Variants in PTPRD observed in about 807,000 individuals in gnomAD.
PTPRD encodes receptor-type tyrosine-protein phosphatase delta.
PTPRD carries 34 observed loss-of-function variants against 214.5 expected under a neutral mutation model. The ratio of observed to expected loss-of-function variants is 0.16; its 90% CI spans 0.12 to 0.21. PTPRD has a LOEUF of 0.21. Ranked by LOEUF, PTPRD falls within the 10% of genes least tolerant of loss-of-function variation. The pLI is 1.00. For synonymous variants in PTPRD, 1,128 were observed against 845.7 expected (o/e 1.33, Z -5.79); for missense variants, 2,545 against 2,398.7 (o/e 1.06, Z -1.27).
intron 2 of PTPRD, among the ~76,000 whole-genome samples, chr9:10,554,792 C>G (rs956776221): frequency 6.6e-6 from 1 of 152,254 alleles, no homozygotes; most frequent in African/African-American, 2.4e-5. Flanking sequence ...TCCCGAGTAG[C>G]TGGGACTACA....
At chr9:9,397,195 G>C (rs2068214956) in intron 9 of PTPRD, among the ~76,000 whole-genome samples, 2 of 151,940 alleles carry the variant, frequency 1.3e-5, no homozygotes, top group Non-Finnish European at 2.9e-5. Context: ...CTAGTTGATT[G>C]AGAGATTGTT....
At chr9:9,795,805 C>T (rs2098998612) in intron 5 of PTPRD, among the ~76,000 whole-genome samples, 1 of 152,082 alleles carries the variant, frequency 6.6e-6, no homozygotes. Context: ...TCTGACACAT[C>T]TTCTTCTGAC....
chr9:9,863,810 C>A (rs2063321422), intron 5 of PTPRD, among the ~76,000 whole-genome samples: 1 of 151,098 alleles, frequency 6.6e-6, no homozygotes, highest in Non-Finnish European at 1.5e-5. Context: ...AATTGCTATT[C>A]CAGCAGCCAA....
intron 10 of PTPRD, among the ~76,000 whole-genome samples, chr9:9,135,387 T>C (rs1048700450): frequency 6.6e-6 from 1 of 152,190 alleles, no homozygotes; most frequent in Non-Finnish European, 1.5e-5. Context: ...ATTTTTTGAA[T>C]AAAACAGCCC....
chr9:10,454,467 C>T (rs2098888983), intron 2 of PTPRD, among the ~76,000 whole-genome samples: 1 of 151,680 alleles, frequency 6.6e-6, no homozygotes, highest in Admixed American at 6.6e-5. Context: ...CCAAAAATAT[C>T]TGTAGCAAGA....
chr9:8,690,500 G>C (rs1479896682), intron 12 of PTPRD, among the ~76,000 whole-genome samples: 1 of 148,198 alleles, frequency 6.7e-6, no homozygotes, highest in Non-Finnish European at 1.5e-5. Flanking sequence ...CTGCACTCCA[G>C]TCTGGGCGAC....
chr9:9,280,302 T>C lies in PTPRD; in HGVS notation c.-202-96939A>G, dbSNP rs1026070168. Among the ~76,000 whole-genome samples, 59 of 151,174 alleles carry C rather than the reference T, an allele frequency of 3.9e-4. 1 individual carries two copies. The highest frequency in any genetic ancestry group is 1.5e-3 in the Admixed American group (22 of 15,072). The stretch of plus-strand genomic sequence containing the variant: ...AAGCTACATTCTGACACTGAATTAA[T>C]TGTACATATGAAAGAAATAAGGAAT... On this transcript the variant is annotated intron_variant, in intron 9 of 45. Coordinates refer to ENST00000381196, the MANE Select transcript of PTPRD (RefSeq NM_002839.4).
At chr9:8,491,183 C>A (rs1057008365) in intron 27 of PTPRD, among the ~76,000 whole-genome samples, 5 of 152,182 alleles carry the variant, frequency 3.3e-5, no homozygotes, top group Non-Finnish European at 7.4e-5. Flanking sequence ...AAATTACAAG[C>A]ATTTTCTATC....
intron 2 of PTPRD, among the ~76,000 whole-genome samples, chr9:10,605,343 G>A (rs974152470): frequency 3.3e-5 from 5 of 151,816 alleles, no homozygotes; most frequent in African/African-American, 1.2e-4. Context: ...ATAAGGGACT[G>A]GTGCATAGAC....
At chr9:10,351,267 T>G (rs2097178059) in intron 2 of PTPRD, among the ~76,000 whole-genome samples, 1 of 152,116 alleles carries the variant, frequency 6.6e-6, no homozygotes, top group Non-Finnish European at 1.5e-5. Context: ...TCCATTTATG[T>G]GGATAATGAG....
intron 7 of PTPRD, among the ~76,000 whole-genome samples, chr9:9,695,567 G>GT (rs1273547752): frequency 2.0e-5 from 3 of 152,040 alleles, no homozygotes; most frequent in African/African-American, 7.2e-5. Context: ...TTATTTCGAG[G>GT]TATGTTCCTT....
intron 2 of PTPRD, among the ~76,000 whole-genome samples, chr9:10,341,409 G>A (rs1324960641): frequency 6.6e-6 from 1 of 151,796 alleles, no homozygotes. Flanking sequence ...CAACTTTAAT[G>A]ATTGAATAAA....
chr9:8,983,869 A>G (rs1205839907), intron 11 of PTPRD, among the ~76,000 whole-genome samples: 2 of 151,956 alleles, frequency 1.3e-5, no homozygotes, highest in African/African-American at 2.4e-5. Context: ...AGGTATTATC[A>G]TTGCTTTTTT....
intron 5 of PTPRD, among the ~76,000 whole-genome samples, chr9:9,840,666 G>C (rs1434183720): frequency 6.7e-6 from 1 of 150,212 alleles, no homozygotes; most frequent in Non-Finnish European, 1.5e-5. Flanking sequence ...AGGAGGCTGA[G>C]GCAGGAGAAT....
intron 36 of PTPRD, among the ~76,000 whole-genome samples, chr9:8,401,582 G>T (rs1382334329): frequency 2.6e-5 from 4 of 151,916 alleles, no homozygotes; most frequent in Non-Finnish European, 5.9e-5. Context: ...CTGTGATTTG[G>T]AAAGATGTCA....
At chr9:8,712,143 G>T (rs1379770626) in intron 12 of PTPRD, among the ~76,000 whole-genome samples, 2 of 152,184 alleles carry the variant, frequency 1.3e-5, no homozygotes, top group African/African-American at 4.8e-5. Flanking sequence ...ATGCAATGCA[G>T]AGTGTGACAA....
At chr9:9,920,345 G>C (rs10816236) in intron 5 of PTPRD, among the ~76,000 whole-genome samples, 1 of 151,878 alleles carries the variant, frequency 6.6e-6, no homozygotes, top group South Asian at 2.1e-4. Flanking sequence ...ACTGCTAAAA[G>C]GTAATTGATC....
intron 7 of PTPRD, among the ~76,000 whole-genome samples, chr9:9,655,613 A>G (rs775347135): frequency 3.8e-5 from 5 of 133,086 alleles, no homozygotes; most frequent in African/African-American, 1.3e-4. Context: ...ACCAAACCAA[A>G]CCAAGCCAAA....
At chr9:10,164,711 A>T (rs986043235) in intron 3 of PTPRD, among the ~76,000 whole-genome samples, 1 of 151,662 alleles carries the variant, frequency 6.6e-6, no homozygotes, top group Non-Finnish European at 1.5e-5. Flanking sequence ...AGAAGTACAC[A>T]AAAGAGTATA....
Sources: allele counts gnomAD v4.1 joint callset (sites outside exome capture counted in the v4.1 genomes callset), GRCh38; gene constraint gnomAD v4.1.1; transcripts MANE v1.5; gene names NCBI Gene and HGNC (gene_info 2026-07-23, HGNC 2026-07-21).